Variants in NOSIP observed in about 807,000 individuals in gnomAD.
NOSIP encodes nitric oxide synthase interacting protein, also known as nitric oxide synthase-interacting protein.
A neutral mutation model predicts 36.4 loss-of-function variants in NOSIP; 25 were observed. The observed-to-expected ratio is 0.69, with a 90% confidence interval of 0.50 to 0.96. NOSIP has a LOEUF of 0.96. Ranked by LOEUF, NOSIP falls within the 40% of genes least tolerant of loss-of-function variation. NOSIP has a pLI of 0.00. For missense variants in NOSIP, 370 were observed against 429.0 expected (o/e 0.86, Z 1.21); for synonymous variants, 187 against 179.2 (o/e 1.04, Z -0.35).
chr19:49,574,988 G>A (rs369276743), intron 1 of NOSIP, among the ~76,000 whole-genome samples: 1,961 of 150,790 alleles, frequency 0.013, 45 homozygotes, highest in African/African-American at 0.045. Context: ...TCAGCCTCCC[G>A]AGTAGCTGGG....
chr19:49,557,813 C>T (rs771700754), intron 4 of NOSIP: 18 of 987,696 alleles, frequency 1.8e-5, no homozygotes, highest in Non-Finnish European at 1.9e-5. Flanking sequence ...GTTGCCTGGG[C>T]GGTGCTGCAG....
At chr19:49,579,774 CTTTAAG>C in intron 1 of NOSIP, among the ~76,000 whole-genome samples, 1 of 152,086 alleles carries the variant, frequency 6.6e-6, no homozygotes, top group Non-Finnish European at 1.5e-5. Context: ...GTTTTAATCT[CTTTAAG>C]TTTAAAAAAA....
intron 1 of NOSIP, among the ~76,000 whole-genome samples, chr19:49,565,757 C>CAAA (rs200288824): frequency 1.0e-4 from 13 of 130,238 alleles, no homozygotes; most frequent in African/African-American, 5.0e-4. Context: ...GAACCTGTCT[C>CAAA]AAAAGAAAAA....
chr19:49,559,509 T>C (rs1272280950), intron 3 of NOSIP: 5 of 174,472 alleles, frequency 2.9e-5, no homozygotes, highest in Non-Finnish European at 4.7e-5. Context: ...AGACTCTGTC[T>C]CAAAAAAAAA....
Position 49,560,521 on chromosome 19 carries a change from GGA to G in NOSIP, c.70+99_70+100del, listed in dbSNP as rs937414774. On this transcript the variant is annotated intron_variant, in intron 2 of 8. Transcript: ENST00000596358. This position sits in a 1 kb window ranked among gnomAD's most constrained non-coding sequence, Gnocchi z 4.6. The stretch of plus-strand genomic sequence containing the variant: ...TGGCCATCAGTGTATATCGGGGGCG[GGA>G]GAGAGACAGGGACAGAGGAAGCAAA... The G allele has an allele frequency of 5.8e-5, 50 of 857,082 alleles. No homozygotes were observed. The South Asian group carries it at 6.1e-4, about 10-fold the overall frequency. 53.1% of individuals were successfully genotyped at this position (857,082 alleles called of 1,614,324 possible).
At position 49,560,094 on chromosome 19, in the gene NOSIP, C is replaced by A. The variant is rs951586996; in HGVS notation, c.71-55G>T. On this transcript the variant is annotated intron_variant, in intron 2 of 8. Coordinates refer to ENST00000596358, the MANE Select transcript of NOSIP (RefSeq NM_001270960.2). The surrounding 1 kb of genome is among the most constrained non-coding windows in gnomAD (Gnocchi z 4.6). ...GGGGCGGAGCAACAGGAGACATGTC[C>A]GTCTCCAAAGCCCCAGAGAGAGGCA... is the stretch of plus-strand genomic sequence containing the variant. The A allele has an allele frequency of 1.7e-6, 2 of 1,210,644 alleles. No homozygotes were observed. The highest frequency in any genetic ancestry group is 1.2e-6 in the Non-Finnish European group (1 of 834,842). The allele number at this position is 1,210,644 out of a possible 1,614,324, so 75.0% of individuals were successfully genotyped here.
intron 1 of NOSIP, among the ~76,000 whole-genome samples, chr19:49,571,821 C>T (rs1416355332): frequency 6.6e-6 from 1 of 151,850 alleles, no homozygotes; most frequent in Non-Finnish European, 1.5e-5. Flanking sequence ...CCCATCTCTA[C>T]TAAAAATACA....
rs2080325494 is a variant in NOSIP at position 49,560,922 on chromosome 19, C to T, written c.-1-230G>A. Among the ~76,000 whole-genome samples the T allele has an allele frequency of 6.6e-6, 1 of 152,122 alleles. No individual in the cohort carries two copies. The highest frequency in any genetic ancestry group is 1.5e-5 in the Non-Finnish European group (1 of 68,024). On this transcript the variant is annotated intron_variant, in intron 1 of 8. Transcript: ENST00000596358. This position sits in a 1 kb window ranked among gnomAD's most constrained non-coding sequence, Gnocchi z 4.6. Reference sequence around the variant, plus strand: ...TATGTGAAAATAGCACCTTTAACAACAAAACTCTTTGTTTGGAGGTAAGAG... The same window carrying T: ...TATGTGAAAATAGCACCTTTAACAATAAAACTCTTTGTTTGGAGGTAAGAG...
intron 1 of NOSIP, among the ~76,000 whole-genome samples, chr19:49,573,317 A>T (rs1237988171): frequency 6.6e-6 from 1 of 152,098 alleles, no homozygotes; most frequent in Non-Finnish European, 1.5e-5. Context: ...TCTCCTCCAG[A>T]GCACTGCCAA....
At chr19:49,558,751 T>C in intron 4 of NOSIP, 146 bp downstream of exon 4, 1 of 726,130 alleles carries the variant, frequency 1.4e-6, no homozygotes. Flanking sequence ...CTGAAATCGG[T>C]GAGAAGGATT....
At chr19:49,572,973 A>AC (rs2080505907) in intron 1 of NOSIP, among the ~76,000 whole-genome samples, 1 of 74,494 alleles carries the variant, frequency 1.3e-5, no homozygotes, top group East Asian at 5.4e-4. Context: ...ACTGTGTCTC[A>AC]AAAAAAAAAA....
At chr19:49,559,226 C>A in intron 3 of NOSIP, 1 of 476,872 alleles carries the variant, frequency 2.1e-6, no homozygotes, top group South Asian at 3.1e-5. Context: ...ATTTGAGCTT[C>A]CAGCTGTCCT....
chr19:49,576,796 A>G (rs1318765395), intron 1 of NOSIP, among the ~76,000 whole-genome samples: 2 of 151,024 alleles, frequency 1.3e-5, no homozygotes, highest in African/African-American at 2.4e-5. Context: ...AAATGGGACA[A>G]TCACTTGAAC....
chr19:49,557,221 CGCCGGGTGCCCCGCT>C lies in NOSIP; in HGVS notation c.272_286del (p.Gln91_Arg95del). ...CCGCTGAAGCTCCTTCTGCTCCTCG[CGCCGGGTGCCCCGCT>C]GCTTCTCGTAGGCCTGCGTCGGGGA... is the stretch of plus-strand genomic sequence containing the variant. On this transcript the variant is annotated inframe_deletion, in exon 5 of 9. Transcript: ENST00000596358. The C allele has an allele frequency of 1.9e-6, 3 of 1,596,596 alleles. No individual in the cohort carries two copies. The highest frequency in any genetic ancestry group is 1.7e-6 in the Non-Finnish European group (2 of 1,172,340).
chr19:49,564,462 A>C (rs1237305481), intron 1 of NOSIP, among the ~76,000 whole-genome samples: 4 of 151,300 alleles, frequency 2.6e-5, no homozygotes, highest in Non-Finnish European at 4.4e-5. Flanking sequence ...TCAAAAAAAA[A>C]AAAAAAAAAA....
intron 4 of NOSIP, chr19:49,557,464 G>A: frequency 7.2e-7 from 1 of 1,397,714 alleles, no homozygotes; most frequent in Non-Finnish European, 9.3e-7. Context: ...TCACTCTGTG[G>A]CCTAAGTGAG....
At chr19:49,576,884 CA>C (rs58441193) in intron 1 of NOSIP, among the ~76,000 whole-genome samples, 2,436 of 47,382 alleles carry the variant, frequency 0.051, 41 homozygotes, top group African/African-American at 0.12. Context: ...AACTCTGTCT[CA>C]AAAAAAAAAA....
rs773298711 is a variant in NOSIP, at chr19:49,556,339, C to A, written c.812G>T (p.Arg271Leu). 6.2e-7 allele frequency: 1 copy of A among 1,613,032 alleles called. No individual in the cohort carries two copies. The highest frequency in any genetic ancestry group is 8.5e-7 in the Non-Finnish European group (1 of 1,179,570). Residue 271 changes from arginine (R) to leucine (L), a missense_variant, in exon 8 of 9, where the codon CGC becomes CTC. Coordinates refer to ENST00000596358, the MANE Select transcript of NOSIP (RefSeq NM_001270960.2). ...DPVTGDKLTDRDIIVLQRGGT... is the reference protein window; with the variant it reads ...DPVTGDKLTDLDIIVLQRGGT... Reference sequence around the variant, plus strand: ...TACCCGCTGCAGCACGATGATGTCGCGGTCTGTGAGTTTGTCTCCAGTCAC... The same window carrying A: ...TACCCGCTGCAGCACGATGATGTCGAGGTCTGTGAGTTTGTCTCCAGTCAC...
At chr19:49,573,359 G>A (rs556914694) in intron 1 of NOSIP, among the ~76,000 whole-genome samples, 1 of 152,226 alleles carries the variant, frequency 6.6e-6, no homozygotes, top group East Asian at 1.9e-4. Flanking sequence ...CTGCCTCTCC[G>A]GGATCAGTTA....
Sources: gnomAD v4.1 joint callset for allele counts (sites outside exome capture counted in the v4.1 genomes callset) on GRCh38, gnomAD v4.1.1 for gene constraint, Gnocchi (gnomAD v3.1) non-coding constraint, MANE v1.5 for transcripts, NCBI Gene and HGNC (gene_info 2026-07-23, HGNC 2026-07-21) for gene names.